The following CAMTA1 variants were observed in gnomAD, a reference collection of about 807,000 sequenced individuals.
The protein encoded by CAMTA1 is calmodulin-binding transcription activator 1.
In CAMTA1, 27 loss-of-function variants were observed where a neutral mutation model predicts 170.9. That is an observed-to-expected ratio of 0.16 (90% CI 0.12 to 0.22). CAMTA1 has a LOEUF of 0.22. Among genes scored for constraint, CAMTA1 ranks in the 10% least tolerant of loss-of-function variants. The pLI, the probability that CAMTA1 is intolerant of heterozygous loss-of-function variation, is 1.00. For missense variants in CAMTA1, 1,619 were observed against 2,217.2 expected (o/e 0.73, Z 5.42); for synonymous variants, 833 against 891.5 (o/e 0.93, Z 1.17).
chr1:7,091,910 T>C (rs1039194378), intron 4 of CAMTA1, among the ~76,000 whole-genome samples: 2 of 152,222 alleles, frequency 1.3e-5, no homozygotes, highest in African/African-American at 2.4e-5. Flanking sequence ...CACTTGGGAA[T>C]AGAGGGAATT....
Position 7,534,305 on chromosome 1 carries a change from T to C in CAMTA1, c.510+66404T>C, listed in dbSNP as rs1201534449. 6.6e-6 allele frequency among the ~76,000 whole-genome samples: 1 copy of C among 152,208 alleles called. No individual in the cohort carries two copies. Among genetic ancestry groups the C allele is most frequent in the African/African-American group, 2.4e-5 (1 of 41,462 alleles). On this transcript the variant is annotated intron_variant, in intron 6 of 22. Transcript: ENST00000303635. The surrounding 1 kb of genome is among the most constrained non-coding windows in gnomAD (Gnocchi z 5.6). ...AGGCTGGGGGCCGCGGGGCTATTTT[T>C]AGTTTGCGTCAACATCCCCCTCCAA...
chr1:7,397,585 G>T (rs904910794), intron 5 of CAMTA1, among the ~76,000 whole-genome samples: 1 of 151,900 alleles, frequency 6.6e-6, no homozygotes, highest in African/African-American at 2.4e-5. Flanking sequence ...GTTCCCTGAA[G>T]TGCAATGTTA....
chr1:7,068,284 G>T (rs1245077963), intron 3 of CAMTA1, among the ~76,000 whole-genome samples: 1 of 151,670 alleles, frequency 6.6e-6, no homozygotes, highest in African/African-American at 2.4e-5. Flanking sequence ...TTTCTAAATG[G>T]CAAGACGCTT....
At chr1:7,670,466 C>G (rs2096049555) in intron 9 of CAMTA1, among the ~76,000 whole-genome samples, 1 of 152,226 alleles carries the variant, frequency 6.6e-6, no homozygotes, top group Non-Finnish European at 1.5e-5. Flanking sequence ...CACGGAGATG[C>G]TCAGGCCTGT....
chr1:7,705,684 C>T (rs1004793778), intron 11 of CAMTA1, among the ~76,000 whole-genome samples: 1 of 152,074 alleles, frequency 6.6e-6, no homozygotes, highest in African/African-American at 2.4e-5. Context: ...CAGACAGGTG[C>T]GAGGCGAGGT....
At chr1:7,371,451 G>A (rs1048557756) in intron 5 of CAMTA1, among the ~76,000 whole-genome samples, 9 of 151,262 alleles carry the variant, frequency 5.9e-5, no homozygotes, top group African/African-American at 1.2e-4. Flanking sequence ...GTAGAGATGG[G>A]GTTTCATCAT....
chr1:7,679,548 G>A (rs888190660), intron 11 of CAMTA1, among the ~76,000 whole-genome samples: 37 of 146,994 alleles, frequency 2.5e-4, no homozygotes, highest in Non-Finnish European at 3.9e-4. Context: ...TGGGCCTGCC[G>A]CCAAGCTGGG....
rs201310992 is a variant in CAMTA1, at chr1:7,664,063, G to A, written c.1516G>A (p.Glu506Lys). The change falls in exon 9 of 23, where the codon GAG becomes AAG. Residue 506 changes from glutamate to lysine, a missense_variant. Glu to Lys is a moderately conservative substitution (Grantham distance 56, BLOSUM62 1). Around this residue, in one of 8 missense-constraint regions of CAMTA1, gnomAD observed 731 missense variants for 907.6 expected, o/e 0.81. Coordinates refer to ENST00000303635, the MANE Select transcript of CAMTA1 (RefSeq NM_015215.4). ...QTYGGGGLKA[E>K]MVSSNIRHSP... ...GTACGGGGGTGGAGGCCTGAAAGCCGAGATGGTCAGCTCCAACATCCGGCA... is the reference window on the plus strand; with the variant it reads ...GTACGGGGGTGGAGGCCTGAAAGCCAAGATGGTCAGCTCCAACATCCGGCA... The A allele has an allele frequency of 5.3e-5, 85 of 1,613,638 alleles. No homozygotes were observed. Among genetic ancestry groups the A allele is most frequent in the Non-Finnish European group, 3.8e-5 (45 of 1,180,052 alleles).
At chr1:7,376,167 A>T (rs2086829948) in intron 5 of CAMTA1, among the ~76,000 whole-genome samples, 1 of 152,270 alleles carries the variant, frequency 6.6e-6, no homozygotes, top group African/African-American at 2.4e-5. Flanking sequence ...TTCAAAGTGC[A>T]GAAGTATGAA....
intron 3 of CAMTA1, among the ~76,000 whole-genome samples, chr1:6,852,267 A>T (rs1053614680): frequency 9.2e-5 from 14 of 152,140 alleles, no homozygotes; most frequent in African/African-American, 3.4e-4. Context: ...CAAAACCCCA[A>T]TTCTCTTTCT....
In CAMTA1 at chr1:6,977,541, C is replaced by T. The variant is rs113799105; in HGVS notation, c.235-113763C>T. ...ATTTTTAGTACAGACGAGGTTTCACCATGTCAGCCAGGATGGTATCGATTT... is the reference window on the plus strand; with the variant it reads ...ATTTTTAGTACAGACGAGGTTTCACTATGTCAGCCAGGATGGTATCGATTT... On this transcript the variant is annotated intron_variant, in intron 3 of 22. Transcript: ENST00000303635. Among the ~76,000 whole-genome samples the T allele has an allele frequency of 1.6e-3, 239 of 152,248 alleles. 1 individual carries two copies. The highest frequency in any genetic ancestry group is 5.3e-3 in the African/African-American group (221 of 41,538).
At chr1:7,417,880 C>G (rs1477410395) in intron 5 of CAMTA1, among the ~76,000 whole-genome samples, 1 of 152,172 alleles carries the variant, frequency 6.6e-6, no homozygotes, top group Non-Finnish European at 1.5e-5. Flanking sequence ...ACGCTGGGAG[C>G]TATAGACCCG....
At chr1:7,314,190 C>A (rs1677154421) in intron 5 of CAMTA1, among the ~76,000 whole-genome samples, 1 of 152,182 alleles carries the variant, frequency 6.6e-6, no homozygotes, top group Non-Finnish European at 1.5e-5. Flanking sequence ...ATCCAGAGCA[C>A]CCCTGGAATC....
chr1:7,586,406 C>A (rs1576245454), intron 6 of CAMTA1, among the ~76,000 whole-genome samples: 2 of 152,292 alleles, frequency 1.3e-5, no homozygotes, highest in East Asian at 3.9e-4. Context: ...ATGCTGCAAG[C>A]CAAGGGCACT....
At chr1:6,980,310 CCT>C (rs1694221382) in intron 3 of CAMTA1, among the ~76,000 whole-genome samples, 1 of 152,112 alleles carries the variant, frequency 6.6e-6, no homozygotes, top group Non-Finnish European at 1.5e-5. Context: ...GCCCGGGGCT[CCT>C]CTCTCTGGCC....
In CAMTA1 at chr1:7,226,614, CT is replaced by C. The variant is rs368769998; in HGVS notation, c.303-22873del. Reference sequence around the variant, plus strand: ...TTTTAGAGAACTCAATGCTTCCGGACTTTTCCTTATGTACACATAGACATAT... The same window carrying C: ...TTTTAGAGAACTCAATGCTTCCGGACTTTCCTTATGTACACATAGACATAT... On this transcript the variant is annotated intron_variant, in intron 4 of 22. Coordinates refer to ENST00000303635, the MANE Select transcript of CAMTA1 (RefSeq NM_015215.4). 1.8e-4 allele frequency among the ~76,000 whole-genome samples: 28 copies of C among 152,208 alleles called. 2 individuals are homozygous for C. Among genetic ancestry groups the C allele is most frequent in the African/African-American group, 6.7e-4 (28 of 41,550 alleles).
chr1:7,467,783 T>C (rs768018955), intron 5 of CAMTA1, 47 bp from the exon 6 acceptor site: 15 of 1,502,070 alleles, frequency 1.0e-5, no homozygotes, highest in Non-Finnish European at 1.4e-5. Context: ...CCTTCCTTCC[T>C]TCCTTCCCTC....
chr1:7,267,226 T>C (rs763513153), intron 5 of CAMTA1, among the ~76,000 whole-genome samples: 10 of 152,154 alleles, frequency 6.6e-5, no homozygotes, highest in African/African-American at 2.4e-5. Context: ...GAGTTACCTT[T>C]ATGGCTTCTG....
chr1:7,232,607 GT>G (rs1312646403), intron 4 of CAMTA1, among the ~76,000 whole-genome samples: 1 of 152,098 alleles, frequency 6.6e-6, no homozygotes, highest in East Asian at 1.9e-4. Flanking sequence ...TCTGTTCCCG[GT>G]GCCTACCACG....
Sources: allele counts gnomAD v4.1 joint callset (sites outside exome capture counted in the v4.1 genomes callset), GRCh38; gene constraint gnomAD v4.1.1; regional missense constraint gnomAD v4.1.1; non-coding constraint Gnocchi (gnomAD v3.1); transcripts MANE v1.5; gene names NCBI Gene and HGNC (gene_info 2026-07-23, HGNC 2026-07-21).